The following BMERB1 variants were observed in gnomAD, a reference collection of about 807,000 sequenced individuals.
The protein encoded by BMERB1 is bMERB domain containing 1.
Under a neutral mutation model 23.6 loss-of-function variants are expected in BMERB1, and 12 were observed. The observed-to-expected ratio is 0.51, with a 90% CI of 0.33 to 0.82. BMERB1 has a LOEUF of 0.82. Ranked by LOEUF, BMERB1 falls within the 40% of genes least tolerant of loss-of-function variation. The pLI, the probability that BMERB1 is intolerant of heterozygous loss-of-function variation, is 0.03. For synonymous variants in BMERB1, 122 were observed against 96.6 expected (o/e 1.26, Z -1.54); for missense variants, 247 against 255.4 (o/e 0.97, Z 0.22).
chr16:15,542,207 G>A (rs1173134552), intron 2 of BMERB1, among the ~76,000 whole-genome samples: 1 of 151,902 alleles, frequency 6.6e-6, no homozygotes, highest in African/African-American at 2.4e-5. Context: ...TGGACTACAG[G>A]CACGTGCCAT....
chr16:15,507,745 AGCTG>A (rs972170020), intron 1 of BMERB1, among the ~76,000 whole-genome samples: 3 of 152,154 alleles, frequency 2.0e-5, no homozygotes, highest in African/African-American at 7.2e-5. Flanking sequence ...ACTGGAAAGA[AGCTG>A]ACTGTGTGTG....
At chr16:15,460,571 A>T (rs2051125923) in intron 1 of BMERB1, among the ~76,000 whole-genome samples, 1 of 152,124 alleles carries the variant, frequency 6.6e-6, no homozygotes, top group Non-Finnish European at 1.5e-5. Flanking sequence ...GTTTGATGTG[A>T]TGATGTGCCA....
intron 1 of BMERB1, among the ~76,000 whole-genome samples, chr16:15,512,803 C>T (rs374599446): frequency 6.6e-6 from 1 of 151,454 alleles, no homozygotes; most frequent in Non-Finnish European, 1.5e-5. Context: ...TGCTTGAATC[C>T]GGGAGGCGGA....
intron 1 of BMERB1, among the ~76,000 whole-genome samples, chr16:15,442,356 G>C (rs905141524): frequency 1.3e-5 from 2 of 151,818 alleles, no homozygotes; most frequent in Non-Finnish European, 2.9e-5. Flanking sequence ...AGAATTAGGA[G>C]AGGGATAGAT....
intron 1 of BMERB1, among the ~76,000 whole-genome samples, chr16:15,469,501 A>G (rs2051211525): frequency 6.6e-6 from 1 of 152,202 alleles, no homozygotes; most frequent in Admixed American, 6.5e-5. Context: ...ATTTAGAGTA[A>G]TATCGTTTAT....
At chr16:15,554,559 G>A (rs187804945) in intron 2 of BMERB1, among the ~76,000 whole-genome samples, 72 of 151,940 alleles carry the variant, frequency 4.7e-4, no homozygotes, top group Admixed American at 2.1e-3. Flanking sequence ...AGCTACTTGG[G>A]AGGCTGAAGC....
chr16:15,582,126 A>G (rs8049689), intron 4 of BMERB1, among the ~76,000 whole-genome samples: 13,457 of 152,238 alleles, frequency 0.088, 1,836 homozygotes, highest in African/African-American at 0.29. Context: ...GGTCGGGTAC[A>G]GTGGCTGACG....
At chr16:15,540,872 A>G (rs1158828036) in intron 2 of BMERB1, among the ~76,000 whole-genome samples, 4 of 152,092 alleles carry the variant, frequency 2.6e-5, no homozygotes, top group Admixed American at 2.6e-4. Flanking sequence ...GTTTTTTCTG[A>G]TACCAAATAC....
At chr16:15,564,657 T>C (rs1051513848) in intron 2 of BMERB1, among the ~76,000 whole-genome samples, 1 of 152,226 alleles carries the variant, frequency 6.6e-6, no homozygotes, top group African/African-American at 2.4e-5. Flanking sequence ...CAAAACTAAG[T>C]TAAATGAATA....
chr16:15,571,167 G>A (rs1244423958), intron 3 of BMERB1, among the ~76,000 whole-genome samples: 1 of 151,814 alleles, frequency 6.6e-6, no homozygotes, highest in Non-Finnish European at 1.5e-5. Flanking sequence ...TGGAGTCACT[G>A]TAGTTCAAAC....
At chr16:15,453,848 T>C (rs999942180) in intron 1 of BMERB1, among the ~76,000 whole-genome samples, 17 of 152,172 alleles carry the variant, frequency 1.1e-4, no homozygotes, top group African/African-American at 3.9e-4. Flanking sequence ...CACTCCAGCT[T>C]GGGTGACAGA....
chr16:15,435,186 G>A (rs2050877579), intron 1 of BMERB1, among the ~76,000 whole-genome samples: 1 of 152,208 alleles, frequency 6.6e-6, no homozygotes, highest in East Asian at 1.9e-4. Context: ...GTGTCTGCTG[G>A]TTTTCCGCTT....
intron 1 of BMERB1, among the ~76,000 whole-genome samples, chr16:15,466,787 C>T (rs932615842): frequency 6.6e-6 from 1 of 152,024 alleles, no homozygotes; most frequent in African/African-American, 2.4e-5. Context: ...GTGTGACTAT[C>T]AACAAAGTCA....
At chr16:15,505,375 T>C (rs1243482421) in intron 1 of BMERB1, among the ~76,000 whole-genome samples, 2 of 152,222 alleles carry the variant, frequency 1.3e-5, no homozygotes, top group African/African-American at 4.8e-5. Context: ...GTGCTAGCTT[T>C]GTCTTTAATG....
chr16:15,564,130 C>T (rs2030502405), intron 2 of BMERB1, among the ~76,000 whole-genome samples: 1 of 152,200 alleles, frequency 6.6e-6, no homozygotes, highest in African/African-American at 2.4e-5. Flanking sequence ...TCCCATCTTC[C>T]AGCCAGCAGA....
intron 2 of BMERB1, among the ~76,000 whole-genome samples, chr16:15,556,702 C>T (rs1442016233): frequency 1.3e-5 from 2 of 152,222 alleles, no homozygotes; most frequent in African/African-American, 4.8e-5. Flanking sequence ...TCTCCTGCCT[C>T]AGCCTCCTGA....
intron 1 of BMERB1, among the ~76,000 whole-genome samples, chr16:15,438,947 A>G (rs2050913047): frequency 6.6e-6 from 1 of 152,220 alleles, no homozygotes; most frequent in Admixed American, 6.5e-5. Flanking sequence ...GTTGTAACAC[A>G]TGAAATGCTG....
At chr16:15,574,177 C>T (rs1406609544) in intron 3 of BMERB1, among the ~76,000 whole-genome samples, 2 of 152,058 alleles carry the variant, frequency 1.3e-5, no homozygotes, top group Admixed American at 6.6e-5. Context: ...GGAGAATGAA[C>T]GCAGGAGGAA....
intron 2 of BMERB1, among the ~76,000 whole-genome samples, chr16:15,542,127 G>A (rs1423188334): frequency 6.8e-6 from 1 of 146,444 alleles, no homozygotes; most frequent in Admixed American, 6.8e-5. Flanking sequence ...GCAGTGGCAT[G>A]ATTGCGGCTC....
Sources: gnomAD v4.1 joint callset for allele counts (sites outside exome capture counted in the v4.1 genomes callset) on GRCh38, gnomAD v4.1.1 for gene constraint, MANE v1.5 for transcripts, NCBI Gene and HGNC (gene_info 2026-07-23, HGNC 2026-07-21) for gene names.